The following ZNF280D variants were observed in gnomAD, a reference collection of about 807,000 sequenced individuals.
The protein encoded by ZNF280D is zinc finger protein 280D.
A neutral mutation model predicts 94.7 loss-of-function variants in ZNF280D; 39 were observed. The ratio of observed to expected loss-of-function variants is 0.41; its 90% CI spans 0.32 to 0.54. The LOEUF (loss-of-function observed/expected upper bound fraction) is 0.54, where lower values mean the gene tolerates loss of function less well. ZNF280D is among the 20% of genes least tolerant of loss of function. The pLI is 0.22. For synonymous variants in ZNF280D, 398 were observed against 377.6 expected (o/e 1.05, Z -0.63); for missense variants, 1,090 against 1,149.3 (o/e 0.95, Z 0.75).
intron 1 of ZNF280D, 62 bp downstream of exon 1, chr15:56,733,396 G>T: frequency 2.1e-6 from 2 of 961,278 alleles, no homozygotes; most frequent in Non-Finnish European, 2.5e-6. Context: ...GGCGGCGCAG[G>T]CCGCGCGGGA....
At chr15:56,707,041 A>C in intron 3 of ZNF280D, 41 bp downstream of exon 3, 1 of 1,593,700 alleles carries the variant, frequency 6.3e-7, no homozygotes, top group South Asian at 1.1e-5. Context: ...AGTGATACAA[A>C]AGCCACATAT....
intron 1 of ZNF280D, among the ~76,000 whole-genome samples, chr15:56,719,649 T>C (rs2058239278): frequency 6.6e-6 from 1 of 152,152 alleles, no homozygotes; most frequent in South Asian, 2.1e-4. Flanking sequence ...TACTGAAAAC[T>C]ACTATCTAGA....
At chr15:56,716,039 G>A (rs1227405560) in intron 1 of ZNF280D, among the ~76,000 whole-genome samples, 1 of 152,136 alleles carries the variant, frequency 6.6e-6, no homozygotes, top group Non-Finnish European at 1.5e-5. Context: ...TTATATCCAA[G>A]TACTACACCA....
chr15:56,713,105 C>A lies in ZNF280D; in HGVS notation c.-85-5799G>T, dbSNP rs531732863. ...AAGATATAAAATCAATGAAATAATC[C>A]AAAAAATCACATTATAAAGTTAATC... is the stretch of plus-strand genomic sequence containing the variant. On this transcript the variant is annotated intron_variant, in intron 1 of 21. Transcript: ENST00000267807. 8.9e-4 allele frequency among the ~76,000 whole-genome samples: 135 copies of A among 152,086 alleles called. 1 individual carries two copies. The highest frequency in any genetic ancestry group is 3.1e-3 in the African/African-American group (130 of 41,506).
chr15:56,708,152 G>C (rs1167220648), intron 1 of ZNF280D, among the ~76,000 whole-genome samples: 8 of 151,954 alleles, frequency 5.3e-5, no homozygotes, highest in African/African-American at 1.5e-4. Flanking sequence ...TTTATCCTTA[G>C]GCTGACAAAA....
At chr15:56,688,489 C>CAAA (rs55861049) in intron 9 of ZNF280D, among the ~76,000 whole-genome samples, 22 of 76,606 alleles carry the variant, frequency 2.9e-4, no homozygotes, top group Middle Eastern at 7.7e-3. Context: ...GACTCCGTCT[C>CAAA]AAAAAAAAAA....
chr15:56,680,316 G>A (rs1205433288), intron 10 of ZNF280D, among the ~76,000 whole-genome samples: 1 of 151,922 alleles, frequency 6.6e-6, no homozygotes, highest in Non-Finnish European at 1.5e-5. Context: ...CTTTGTTCAC[G>A]AGGTGTTTAC....
chr15:56,645,422 C>T (rs2140583759), intron 19 of ZNF280D: 1 of 152,210 alleles, frequency 6.6e-6, no homozygotes, highest in East Asian at 1.9e-4. Flanking sequence ...TAACTTTTCC[C>T]CTCTATGAAA....
intron 19 of ZNF280D, chr15:56,653,001 C>A: frequency 1.1e-6 from 1 of 935,386 alleles, no homozygotes; most frequent in Non-Finnish European, 1.3e-6. Flanking sequence ...GAACATAAAA[C>A]CAAGCTATTA....
intron 19 of ZNF280D, among the ~76,000 whole-genome samples, chr15:56,652,173 T>C (rs947477352): frequency 1.3e-5 from 2 of 152,162 alleles, no homozygotes; most frequent in Non-Finnish European, 2.9e-5. Flanking sequence ...TTCAACTCTT[T>C]TGATAATTAA....
intron 13 of ZNF280D, among the ~76,000 whole-genome samples, chr15:56,671,945 G>A (rs2054894046): frequency 6.6e-6 from 1 of 151,992 alleles, no homozygotes; most frequent in South Asian, 2.1e-4. Context: ...TCTGGCCATT[G>A]TGAAGGGGAG....
chr15:56,635,551 A>G (rs1165894463), intron 20 of ZNF280D: 1 of 153,702 alleles, frequency 6.5e-6, no homozygotes, highest in Non-Finnish European at 1.4e-5. Context: ...AATGTGGATC[A>G]TAATTACAAT....
intron 19 of ZNF280D, chr15:56,652,377 G>C (rs114983908): frequency 2.2e-3 from 355 of 157,968 alleles, no homozygotes; most frequent in African/African-American, 8.3e-3. Context: ...ACTAGATATA[G>C]CACTGTCTGC....
intron 16 of ZNF280D, among the ~76,000 whole-genome samples, chr15:56,664,817 T>C (rs1254637862): frequency 2.0e-5 from 3 of 152,148 alleles, no homozygotes; most frequent in African/African-American, 7.2e-5. Context: ...GTTCAAATCT[T>C]ACCTTGGCCT....
intron 1 of ZNF280D, among the ~76,000 whole-genome samples, chr15:56,710,423 A>G (rs1187011874): frequency 6.6e-6 from 1 of 152,002 alleles, no homozygotes; most frequent in East Asian, 1.9e-4. Context: ...AAAATAAAAT[A>G]AAATAGCCAG....
chr15:56,687,066 T>C (rs573950102), intron 9 of ZNF280D, among the ~76,000 whole-genome samples: 126 of 152,198 alleles, frequency 8.3e-4, no homozygotes, highest in African/African-American at 2.9e-3. Flanking sequence ...ACACTAAAAC[T>C]TTAGCTGATA....
At chr15:56,718,387 C>T (rs566797696) in intron 1 of ZNF280D, among the ~76,000 whole-genome samples, 2 of 152,140 alleles carry the variant, frequency 1.3e-5, no homozygotes, top group Admixed American at 1.3e-4. Flanking sequence ...TAAATCAAAA[C>T]TCCCAATGAA....
intron 19 of ZNF280D, 186 bp downstream of exon 19, chr15:56,654,012 A>C: frequency 6.9e-7 from 1 of 1,440,708 alleles, no homozygotes; most frequent in Non-Finnish European, 9.1e-7. Flanking sequence ...AGGAAATTCC[A>C]ACTTGTCTTG....
chr15:56,660,572 ACCC>A (rs1286435819), intron 16 of ZNF280D, among the ~76,000 whole-genome samples: 7 of 152,056 alleles, frequency 4.6e-5, no homozygotes, highest in Admixed American at 2.6e-4. Flanking sequence ...AAAAAATACT[ACCC>A]TTCTTCCTAT....
Sources: gnomAD v4.1 joint callset for allele counts (sites outside exome capture counted in the v4.1 genomes callset) on GRCh38, gnomAD v4.1.1 for gene constraint, MANE v1.5 for transcripts, NCBI Gene and HGNC (gene_info 2026-07-23, HGNC 2026-07-21) for gene names.